The following NELL2 variants were observed in gnomAD, a reference collection of about 807,000 sequenced individuals.
The protein encoded by NELL2 is neural EGFL like 2, also known as protein kinase C-binding protein NELL2.
Under a neutral mutation model 109.6 loss-of-function variants are expected in NELL2, and 41 were observed. That is an observed-to-expected ratio of 0.37 (90% CI 0.29 to 0.49). NELL2 has a LOEUF of 0.49. Among genes scored for constraint, NELL2 ranks in the 20% least tolerant of loss-of-function variants. The pLI is 0.98. For synonymous variants in NELL2, 355 were observed against 344.7 expected (o/e 1.03, Z -0.33); for missense variants, 900 against 1,008.3 (o/e 0.89, Z 1.45).
chr12:44,752,947 G>A (rs1940717211), intron 9 of NELL2, among the ~76,000 whole-genome samples: 1 of 152,124 alleles, frequency 6.6e-6, no homozygotes, highest in Non-Finnish European at 1.5e-5. Flanking sequence ...GTCCCCAGAA[G>A]GTCTTGCACG....
chr12:44,823,955 AT>A (rs1242389442), intron 2 of NELL2, among the ~76,000 whole-genome samples: 1 of 152,042 alleles, frequency 6.6e-6, no homozygotes, highest in Non-Finnish European at 1.5e-5. Flanking sequence ...TGATATCTCA[AT>A]TTTTTAAATT....
chr12:44,818,960 T>A (rs944616974), intron 2 of NELL2, among the ~76,000 whole-genome samples: 3 of 151,694 alleles, frequency 2.0e-5, no homozygotes, highest in Admixed American at 6.6e-5. Flanking sequence ...GCCAGGATGG[T>A]CTCGATCTCC....
intron 9 of NELL2, among the ~76,000 whole-genome samples, chr12:44,732,717 T>C (rs1251450194): frequency 6.6e-6 from 1 of 151,806 alleles, no homozygotes; most frequent in African/African-American, 2.4e-5. Context: ...TACAACAAAC[T>C]AACAAACTTC....
At chr12:44,513,807 A>G (rs1420277976) in intron 19 of NELL2, among the ~76,000 whole-genome samples, 1 of 151,932 alleles carries the variant, frequency 6.6e-6, no homozygotes, top group Non-Finnish European at 1.5e-5. Flanking sequence ...CGAATGTTTA[A>G]TTGGAGTCTC....
chr12:44,694,520 A>ACACACACACACAC (rs1948995456), intron 12 of NELL2, among the ~76,000 whole-genome samples: 2 of 144,308 alleles, frequency 1.4e-5, no homozygotes, highest in African/African-American at 5.1e-5. Context: ...CACACATACA[A>ACACACACACACAC]ACACACACAC....
At chr12:44,813,006 G>A (rs1429049385) in intron 3 of NELL2, among the ~76,000 whole-genome samples, 1 of 152,120 alleles carries the variant, frequency 6.6e-6, no homozygotes, top group Non-Finnish European at 1.5e-5. Context: ...AAATAAGAGT[G>A]CTGATCTTGT....
At chr12:44,788,507 T>A (rs1942263759) in intron 3 of NELL2, among the ~76,000 whole-genome samples, 1 of 152,200 alleles carries the variant, frequency 6.6e-6, no homozygotes, top group African/African-American at 2.4e-5. Context: ...GGAAAGGCCC[T>A]GGGAGCTCAC....
At chr12:44,819,038 G>A (rs1414572622) in intron 2 of NELL2, among the ~76,000 whole-genome samples, 1 of 152,038 alleles carries the variant, frequency 6.6e-6, no homozygotes, top group Non-Finnish European at 1.5e-5. Context: ...CACCGCGCCC[G>A]GCCAGTTCAC....
chr12:44,701,618 A>G (rs1010384078), intron 12 of NELL2, among the ~76,000 whole-genome samples: 2 of 152,090 alleles, frequency 1.3e-5, no homozygotes, highest in Admixed American at 6.6e-5. Context: ...CTTTTGATCA[A>G]TTCTACACCA....
intron 9 of NELL2, among the ~76,000 whole-genome samples, chr12:44,743,645 C>A (rs575998582): frequency 1.1e-3 from 163 of 152,268 alleles, no homozygotes; most frequent in Non-Finnish European, 3.7e-4. Context: ...GCAGAGGTTG[C>A]AATCCTAGTC....
chr12:44,690,183 G>T (rs1948856859), intron 12 of NELL2, among the ~76,000 whole-genome samples: 3 of 152,128 alleles, frequency 2.0e-5, no homozygotes, highest in Admixed American at 6.5e-5. Flanking sequence ...TCCTCAGGTG[G>T]TTTTGATGCA....
At chr12:44,823,446 A>T (rs574283730) in intron 2 of NELL2, among the ~76,000 whole-genome samples, 1 of 152,208 alleles carries the variant, frequency 6.6e-6, no homozygotes, top group East Asian at 1.9e-4. Flanking sequence ...TGCTTCTATG[A>T]ATTCAATGTT....
At chr12:44,572,026 A>T (rs1039443330) in intron 15 of NELL2, among the ~76,000 whole-genome samples, 1 of 152,202 alleles carries the variant, frequency 6.6e-6, no homozygotes, top group East Asian at 1.9e-4. Context: ...AAAAGAAAAA[A>T]AGGACTCTTT....
intron 15 of NELL2, among the ~76,000 whole-genome samples, chr12:44,585,452 A>C (rs1944457879): frequency 6.6e-6 from 1 of 152,098 alleles, no homozygotes; most frequent in Non-Finnish European, 1.5e-5. Context: ...AAATACAAAA[A>C]TTATCTGGGT....
At chr12:44,635,882 C>T (rs190512297) in intron 13 of NELL2, among the ~76,000 whole-genome samples, 286 of 152,242 alleles carry the variant, frequency 1.9e-3, no homozygotes, top group African/African-American at 6.6e-3. Context: ...GGCAGTATGG[C>T]CATTTTCACA....
At chr12:44,780,903 T>C in intron 3 of NELL2, among the ~76,000 whole-genome samples, 1 of 152,102 alleles carries the variant, frequency 6.6e-6, no homozygotes, top group East Asian at 1.9e-4. Flanking sequence ...TCCCTTCCCC[T>C]GACAAAGCAG....
At chr12:44,546,699 T>A (rs1032151641) in intron 15 of NELL2, among the ~76,000 whole-genome samples, 2 of 152,222 alleles carry the variant, frequency 1.3e-5, no homozygotes, top group Non-Finnish European at 2.9e-5. Flanking sequence ...TTTAACAACC[T>A]ATTTTTTCAT....
intron 2 of NELL2, among the ~76,000 whole-genome samples, chr12:44,867,222 T>C (rs1945026617): frequency 6.6e-6 from 1 of 152,002 alleles, no homozygotes; most frequent in Admixed American, 6.6e-5. Flanking sequence ...AGAGATGAAA[T>C]AATCCTCAAC....
intron 9 of NELL2, among the ~76,000 whole-genome samples, chr12:44,714,963 G>T (rs186519077): frequency 6.6e-6 from 1 of 151,830 alleles, no homozygotes; most frequent in East Asian, 1.9e-4. Context: ...AAGATAAAGG[G>T]CAATGACATG....
Sources: gnomAD v4.1 joint callset for allele counts (sites outside exome capture counted in the v4.1 genomes callset) on GRCh38, gnomAD v4.1.1 for gene constraint, MANE v1.5 for transcripts, NCBI Gene and HGNC (gene_info 2026-07-23, HGNC 2026-07-21) for gene names.